The following FAM81B variants were observed in gnomAD, a reference collection of about 807,000 sequenced individuals.
The protein encoded by FAM81B is protein FAM81B.
Under a neutral mutation model 58.7 loss-of-function variants are expected in FAM81B, and 60 were observed. The observed-to-expected ratio is 1.02, with a 90% CI of 0.83 to 1.27. The LOEUF (loss-of-function observed/expected upper bound fraction) is 1.27, where lower values mean the gene tolerates loss of function less well. Among genes scored for constraint, FAM81B ranks in the 50% most tolerant of loss-of-function variants. FAM81B has a pLI of 0.00. For missense variants in FAM81B, 491 were observed against 522.0 expected (o/e 0.94, Z 0.58); for synonymous variants, 189 against 179.6 (o/e 1.05, Z -0.42).
intron 3 of FAM81B, among the ~76,000 whole-genome samples, chr5:95,399,389 T>C (rs1381608907): frequency 2.0e-5 from 3 of 152,348 alleles, no homozygotes; most frequent in Non-Finnish European, 1.5e-5. Flanking sequence ...ACTCTGTTGG[T>C]TGAACTTTCT....
At chr5:95,405,408 T>C (rs145959649) in intron 3 of FAM81B, among the ~76,000 whole-genome samples, 4 of 152,354 alleles carry the variant, frequency 2.6e-5, no homozygotes, top group Non-Finnish European at 4.4e-5. Flanking sequence ...TTCTGTTATA[T>C]TTATCCTACC....
chr5:95,430,232 C>T (rs1209500671), intron 6 of FAM81B, among the ~76,000 whole-genome samples: 1 of 151,830 alleles, frequency 6.6e-6, no homozygotes, highest in African/African-American at 2.4e-5. Context: ...ATTTTCATTC[C>T]CACCCCTTAA....
At chr5:95,407,261 TACACACACACACACAC>T (rs5869678) in intron 3 of FAM81B, among the ~76,000 whole-genome samples, 2 of 143,658 alleles carry the variant, frequency 1.4e-5, no homozygotes, top group South Asian at 4.7e-4. Context: ...TGTTCTCTTT[TACACACACACACACAC>T]ACACACACAC....
chr5:95,440,738 A>G (rs1165332386), intron 7 of FAM81B: 1 of 416,830 alleles, frequency 2.4e-6, no homozygotes, highest in East Asian at 6.8e-5. Flanking sequence ...ACTGGGAACC[A>G]TGTCCACTTC....
chr5:95,392,643 TGAG>T (rs1761857075), intron 1 of FAM81B, 148 bp from the exon 2 acceptor site: 1 of 642,148 alleles, frequency 1.6e-6, no homozygotes, highest in African/African-American at 1.9e-5. Flanking sequence ...TTGGGATAAG[TGAG>T]GAGAGGGGAA....
chr5:95,412,330 C>T (rs1762427426), intron 3 of FAM81B, among the ~76,000 whole-genome samples: 1 of 152,174 alleles, frequency 6.6e-6, no homozygotes, highest in Admixed American at 6.5e-5. Flanking sequence ...ATTCATTCCA[C>T]ATGCACTCAT....
At chr5:95,407,460 T>C in intron 3 of FAM81B, among the ~76,000 whole-genome samples, 1 of 151,974 alleles carries the variant, frequency 6.6e-6, no homozygotes, top group African/African-American at 2.4e-5. Context: ...ACCTGCCAGC[T>C]CAGGCAATCT....
intron 7 of FAM81B, among the ~76,000 whole-genome samples, chr5:95,439,607 A>AT (rs147473362): frequency 2.6e-4 from 32 of 122,410 alleles, no homozygotes; most frequent in Middle Eastern, 4.1e-3. Flanking sequence ...AGACAGGGTT[A>AT]TTTTTTTTTT....
chr5:95,447,437 T>G (rs974351767), intron 8 of FAM81B, among the ~76,000 whole-genome samples: 1 of 152,236 alleles, frequency 6.6e-6, no homozygotes, highest in African/African-American at 2.4e-5. Context: ...CATAAAGCTT[T>G]ATCACTGGTA....
intron 3 of FAM81B, among the ~76,000 whole-genome samples, chr5:95,405,440 T>C (rs952880001): frequency 8.5e-5 from 13 of 152,228 alleles, no homozygotes; most frequent in Non-Finnish European, 1.5e-4. Flanking sequence ...ATTTCAATTA[T>C]ATTTTCCATA....
In FAM81B at chr5:95,413,935, T is replaced by C; in HGVS notation, c.294-12T>C. ...TAATGCCCTGGTGTTTCCTTTTCCT[T>C]TTTCTGATCAGGAGTCATGCTTTTC... On this transcript the variant is annotated splice_polypyrimidine_tract_variant and intron_variant, in intron 3 of 9. Transcript: ENST00000283357. The C allele has an allele frequency of 6.2e-7, 1 of 1,603,992 alleles. No individual in the cohort carries two copies. The highest frequency in any genetic ancestry group is 8.5e-7 in the Non-Finnish European group (1 of 1,175,650).
At chr5:95,438,014 A>G (rs1745173239) in intron 7 of FAM81B, among the ~76,000 whole-genome samples, 1 of 152,194 alleles carries the variant, frequency 6.6e-6, no homozygotes, top group African/African-American at 2.4e-5. Context: ...AACATGCACC[A>G]TTATAATTTT....
At chr5:95,396,225 G>A in intron 3 of FAM81B, 50 bp downstream of exon 3, 4 of 1,411,650 alleles carry the variant, frequency 2.8e-6, no homozygotes, top group Non-Finnish European at 2.9e-6. Context: ...CATTTATTGT[G>A]ACAAATCTCA....
At chr5:95,426,996 C>T (rs1368678395) in intron 5 of FAM81B, among the ~76,000 whole-genome samples, 1 of 152,078 alleles carries the variant, frequency 6.6e-6, no homozygotes, top group African/African-American at 2.4e-5. Flanking sequence ...TTGCAGTGAG[C>T]CGAGATTGTG....
chr5:95,447,056 G>A (rs368042970), intron 8 of FAM81B, among the ~76,000 whole-genome samples: 1 of 152,066 alleles, frequency 6.6e-6, no homozygotes, highest in South Asian at 2.1e-4. Flanking sequence ...GTGATGTGCA[G>A]ACAAGTCATT....
chr5:95,425,268 AAAATGATATAAGAAC>A (rs1762793927), intron 5 of FAM81B, among the ~76,000 whole-genome samples: 1 of 152,170 alleles, frequency 6.6e-6, no homozygotes, highest in African/African-American at 2.4e-5. Flanking sequence ...GACCATGGAA[AAAATGATATAAGAAC>A]AATGAAACCA....
chr5:95,407,068 G>A (rs1762266141), intron 3 of FAM81B, among the ~76,000 whole-genome samples: 1 of 152,032 alleles, frequency 6.6e-6, no homozygotes, highest in Non-Finnish European at 1.5e-5. Context: ...ATGGGGGATG[G>A]CAATATTTTC....
chr5:95,428,330 G>A (rs147529179), intron 5 of FAM81B, among the ~76,000 whole-genome samples: 15 of 152,298 alleles, frequency 9.8e-5, no homozygotes, highest in African/African-American at 3.1e-4. Context: ...AGCTGAAAAT[G>A]TAAAAATTCC....
At chr5:95,424,218 G>A (rs930964258) in intron 5 of FAM81B, 1 of 1,289,522 alleles carries the variant, frequency 7.8e-7, no homozygotes, top group Non-Finnish European at 1.0e-6. Flanking sequence ...AGACATAATA[G>A]TTATTGTTAG....
Sources: gnomAD v4.1 joint callset for allele counts (sites outside exome capture counted in the v4.1 genomes callset) on GRCh38, gnomAD v4.1.1 for gene constraint, MANE v1.5 for transcripts, NCBI Gene and HGNC (gene_info 2026-07-23, HGNC 2026-07-21) for gene names.